Variants in MAGI1 observed in about 807,000 individuals in gnomAD.
The protein encoded by MAGI1 is membrane associated guanylate kinase, WW and PDZ domain containing 1.
Under a neutral mutation model 139.9 loss-of-function variants are expected in MAGI1, and 58 were observed. The observed-to-expected ratio is 0.41, with a 90% confidence interval of 0.34 to 0.52. The LOEUF (loss-of-function observed/expected upper bound fraction) is 0.52. Among genes scored for constraint, MAGI1 ranks in the 20% least tolerant of loss-of-function variants. The pLI is 0.12. For synonymous variants in MAGI1, 812 were observed against 737.9 expected (o/e 1.10, Z -1.63); for missense variants, 1,874 against 1,901.6 (o/e 0.99, Z 0.27).
intron 14 of MAGI1, among the ~76,000 whole-genome samples, chr3:65,385,868 C>A (rs9874687): frequency 0.92 from 139,415 of 152,198 alleles, 64,504 homozygotes; most frequent in Non-Finnish European, 1. Flanking sequence ...TAGCTGGCTA[C>A]AGGATATTTG....
intron 1 of MAGI1, among the ~76,000 whole-genome samples, chr3:65,980,555 A>G (rs1228005836): frequency 8.6e-6 from 1 of 115,758 alleles, no homozygotes; most frequent in African/African-American, 3.1e-5. Flanking sequence ...AGAGACTGAG[A>G]CTCCATCTCA....
chr3:65,437,404 CT>C (rs5849667), intron 9 of MAGI1, among the ~76,000 whole-genome samples, 157 bp from the exon 10 acceptor site: 133,676 of 138,760 alleles, frequency 0.96, 64,366 homozygotes, highest in South Asian at 0.99. Flanking sequence ...CTATGAAGCT[CT>C]TTTTTTTTTT....
chr3:65,544,675 G>C (rs962317649), intron 2 of MAGI1, among the ~76,000 whole-genome samples: 1 of 152,140 alleles, frequency 6.6e-6, no homozygotes, highest in African/African-American at 2.4e-5. Context: ...TGTTTTGTCT[G>C]TGTTAAGGCA....
At chr3:65,529,172 G>T (rs1311062767) in intron 2 of MAGI1, among the ~76,000 whole-genome samples, 3 of 150,784 alleles carry the variant, frequency 2.0e-5, no homozygotes, top group East Asian at 1.9e-4. Context: ...CAGGTTAAAA[G>T]AAAGAGATTT....
At chr3:65,569,580 T>C (rs530857806) in intron 2 of MAGI1, among the ~76,000 whole-genome samples, 9 of 152,202 alleles carry the variant, frequency 5.9e-5, no homozygotes, top group African/African-American at 2.2e-4. Context: ...TCCTTTAAGA[T>C]TTAAATGTTT....
At chr3:65,547,636 C>T (rs141843421) in intron 2 of MAGI1, among the ~76,000 whole-genome samples, 1 of 152,102 alleles carries the variant, frequency 6.6e-6, no homozygotes, top group Non-Finnish European at 1.5e-5. Context: ...GATTCAAATC[C>T]GAGCACAGTC....
chr3:65,487,201 T>C (rs1373457565), intron 3 of MAGI1, among the ~76,000 whole-genome samples: 2 of 152,340 alleles, frequency 1.3e-5, no homozygotes, highest in Non-Finnish European at 2.9e-5. Context: ...AGGTACTTTT[T>C]CTTGATTCCA....
intron 1 of MAGI1, among the ~76,000 whole-genome samples, chr3:66,006,810 T>TG (rs1346242284): frequency 1.4e-5 from 2 of 139,680 alleles, no homozygotes; most frequent in African/African-American, 6.2e-5. Flanking sequence ...AACATGGTTT[T>TG]GTTTTGTTTT....
At chr3:65,479,340 G>T (rs371397596) in intron 3 of MAGI1, among the ~76,000 whole-genome samples, 1 of 152,156 alleles carries the variant, frequency 6.6e-6, no homozygotes, top group South Asian at 2.1e-4. Context: ...GAGTCATGCG[G>T]GGTAGGAAAA....
intron 2 of MAGI1, among the ~76,000 whole-genome samples, chr3:65,574,981 A>T (rs2081117948): frequency 6.6e-6 from 1 of 152,144 alleles, no homozygotes; most frequent in South Asian, 2.1e-4. Context: ...CTTATAGAAG[A>T]AAACTTTTGT....
chr3:65,364,583 C>G, intron 20 of MAGI1, 82 bp downstream of exon 20: 1 of 1,222,950 alleles, frequency 8.2e-7, no homozygotes, highest in Non-Finnish European at 1.2e-6. Flanking sequence ...AAAGGTGCTT[C>G]AAAAAATATC....
intron 1 of MAGI1, among the ~76,000 whole-genome samples, chr3:65,686,459 T>C (rs143236470): frequency 0.017 from 2,519 of 152,074 alleles, 62 homozygotes; most frequent in African/African-American, 0.057. Context: ...GCCCAGCTAA[T>C]TTTTTTTATT....
intron 1 of MAGI1, among the ~76,000 whole-genome samples, chr3:65,756,592 T>G (rs1362146714): frequency 6.6e-6 from 1 of 152,154 alleles, no homozygotes; most frequent in African/African-American, 2.4e-5. Context: ...TAACAAGTCT[T>G]TCATAAGCAT....
chr3:65,669,461 G>A (rs1053362503), intron 1 of MAGI1, among the ~76,000 whole-genome samples: 3 of 152,156 alleles, frequency 2.0e-5, no homozygotes, highest in East Asian at 1.9e-4. Context: ...CTCATAATAA[G>A]CAGATGTTAT....
At chr3:65,726,792 G>T (rs140697075) in intron 1 of MAGI1, among the ~76,000 whole-genome samples, 1 of 151,880 alleles carries the variant, frequency 6.6e-6, no homozygotes, top group Non-Finnish European at 1.5e-5. Flanking sequence ...CTTATCCTAC[G>T]AGCATCTTGA....
rs200497203 is a variant in MAGI1 at position 65,759,065 on chromosome 3, C to CAAAAA, written c.314-136982_314-136978dup. 4.5e-4 allele frequency among the ~76,000 whole-genome samples: 33 copies of CAAAAA among 73,084 alleles called. 2 individuals carry two copies. Among genetic ancestry groups the CAAAAA allele is most frequent in the African/African-American group, 1.6e-3 (29 of 18,334 alleles). The allele number at this position is 73,084 out of a possible 152,430, so 47.9% of individuals were successfully genotyped here. ...GAAAGGAGAACTGTTAGGCCCAGTG[C>CAAAAA]AAAAAAAAAAAAAAAAAAAAAAAAA... On this transcript the variant is annotated intron_variant, in intron 1 of 22. Coordinates refer to ENST00000402939, the MANE Select transcript of MAGI1 (RefSeq NM_001033057.2).
intron 1 of MAGI1, among the ~76,000 whole-genome samples, chr3:65,816,030 T>C (rs78256330): frequency 0.037 from 5,560 of 152,246 alleles, 135 homozygotes; most frequent in Middle Eastern, 0.048. Flanking sequence ...TTGTCTACAA[T>C]GGTAGTTGTG....
chr3:65,637,841 C>A (rs189439787), intron 1 of MAGI1, among the ~76,000 whole-genome samples: 1 of 152,228 alleles, frequency 6.6e-6, no homozygotes, highest in Admixed American at 6.5e-5. Flanking sequence ...GCATTCATAG[C>A]AGTTATGATT....
At chr3:65,829,851 G>GT (rs1386222515) in intron 1 of MAGI1, among the ~76,000 whole-genome samples, 2 of 152,122 alleles carry the variant, frequency 1.3e-5, no homozygotes, top group African/African-American at 4.8e-5. Context: ...TTTTTCCAGT[G>GT]TAATATGTTT....
Sources: gnomAD v4.1 joint callset for allele counts (sites outside exome capture counted in the v4.1 genomes callset) on GRCh38, gnomAD v4.1.1 for gene constraint, MANE v1.5 for transcripts, NCBI Gene and HGNC (gene_info 2026-07-23, HGNC 2026-07-21) for gene names.